Variants in ZZEF1 observed in about 807,000 individuals in gnomAD.
ZZEF1 encodes zinc finger ZZ-type and EF-hand domain-containing protein 1.
ZZEF1 carries 157 observed loss-of-function variants against 342.8 expected under a neutral mutation model. The observed-to-expected ratio is 0.46, with a 90% confidence interval of 0.40 to 0.52. ZZEF1 has a LOEUF of 0.52. Among genes scored for constraint, ZZEF1 ranks in the 20% least tolerant of loss-of-function variants. ZZEF1 has a pLI of 0.00. For synonymous variants in ZZEF1, 1,505 were observed against 1,429.1 expected (o/e 1.05, Z -1.20); for missense variants, 3,480 against 3,725.6 (o/e 0.93, Z 1.72).
At chr17:4,126,929 T>C (rs547326873) in intron 1 of ZZEF1, among the ~76,000 whole-genome samples, 2 of 151,884 alleles carry the variant, frequency 1.3e-5, no homozygotes, top group East Asian at 1.9e-4. Context: ...ATTATAACAC[T>C]GCACTCCAGC....
chr17:4,132,933 T>C (rs1015508229), intron 1 of ZZEF1, among the ~76,000 whole-genome samples: 1 of 151,814 alleles, frequency 6.6e-6, no homozygotes, highest in African/African-American at 2.4e-5. Flanking sequence ...GCCACTGCAG[T>C]CCAGCCTGGG....
chr17:4,112,895 A>C, intron 4 of ZZEF1, 87 bp from the exon 5 acceptor site: 2 of 1,172,266 alleles, frequency 1.7e-6, no homozygotes, highest in Non-Finnish European at 2.3e-6. Flanking sequence ...AAGAGCTTAC[A>C]TTTGATATAT....
intron 2 of ZZEF1, among the ~76,000 whole-genome samples, chr17:4,121,750 G>A (rs941863091): frequency 2.0e-5 from 3 of 151,204 alleles, no homozygotes; most frequent in Non-Finnish European, 4.4e-5. Flanking sequence ...TTGAGACAGG[G>A]TCTCGCTCTA....
At chr17:4,029,871 T>A (rs1366455776) in intron 42 of ZZEF1, among the ~76,000 whole-genome samples, 2 of 97,722 alleles carry the variant, frequency 2.0e-5, no homozygotes, top group African/African-American at 5.4e-5. Context: ...CAAAACTCCA[T>A]CTCAAAAAAA....
chr17:4,130,132 T>C (rs2058640416), intron 1 of ZZEF1, among the ~76,000 whole-genome samples: 2 of 152,122 alleles, frequency 1.3e-5, no homozygotes, highest in Non-Finnish European at 2.9e-5. Flanking sequence ...AAACTGCACA[T>C]GTACCCCAGA....
chr17:4,021,130 A>G lies in ZZEF1; in HGVS notation c.7403T>C (p.Leu2468Ser). The change falls in exon 45 of 55, where the codon TTG becomes TCG. Residue 2468 changes from leucine (L) to serine (S), a missense_variant and splice_region_variant. Leu to Ser is a moderately radical substitution (Grantham distance 145, BLOSUM62 -2). Around this residue, in one of 5 missense-constraint regions of ZZEF1, gnomAD observed 1,269 missense variants for 1,342.4 expected, o/e 0.95. Transcript: ENST00000381638. ...GLDEPTRICF[L>S]MAHDALNAPL... ...CCACAAGATGACTCAAGAACACACC[A>G]AGAAACATATTCTGGTGGGCTCATC... The G allele has an allele frequency of 1.2e-6, 2 of 1,609,726 alleles. No homozygotes were observed.
intron 46 of ZZEF1, 34 bp downstream of exon 46, chr17:4,019,635 G>T: frequency 6.3e-7 from 1 of 1,585,966 alleles, no homozygotes; most frequent in Non-Finnish European, 8.6e-7. Context: ...TTCTCTCCCT[G>T]GCCACACTTC....
chr17:4,042,349 A>T, intron 39 of ZZEF1, 80 bp downstream of exon 39: 2 of 1,436,890 alleles, frequency 1.4e-6, no homozygotes, highest in Non-Finnish European at 1.9e-6. Flanking sequence ...GATTGTCATC[A>T]TTTGTTTCAG....
rs775652406 is a variant in ZZEF1 at position 4,042,537 on chromosome 17, C to A, written c.6198G>T (p.Lys2066Asn). The A allele has an allele frequency of 1.2e-6, 2 of 1,613,614 alleles. No individual in the cohort carries two copies. Among genetic ancestry groups the A allele is most frequent in the East Asian group, 2.2e-5 (1 of 44,862 alleles). Residue 2066 changes from lysine (K) to asparagine (N), a missense_variant, in exon 39 of 55, where the codon AAG becomes AAT. By Grantham distance (94) the Lys-to-Asn change is moderately conservative. Coordinates refer to ENST00000381638, the MANE Select transcript of ZZEF1 (RefSeq NM_015113.4). ...DAEDSEVSSQ[K>N]PIEEKAVTPS... ...GAGTAACTGCTTTTTCCTCTATGGG[C>A]TTCTGAGATGACACTTCTGAATCTT...
rs1317992621 is a variant in ZZEF1, at chr17:4,075,283, G to A, written c.3381C>T (p.Asp1127=). 6.2e-7 allele frequency: 1 copy of A among 1,614,206 alleles called. No homozygotes were observed. Among genetic ancestry groups the A allele is most frequent in the Non-Finnish European group, 8.5e-7 (1 of 1,180,032 alleles). ...CTTACCTTTTTTCAGTTTCACACCT[G>A]TCATCGAATTCCACTTCAAAATAGG... is the stretch of plus-strand genomic sequence containing the variant. ...GATYFEVEFD[D]RCETEKRYDY... Residue 1127 remains aspartate, a synonymous_variant, in exon 22 of 55, where the codon GAC becomes GAT. Coordinates refer to ENST00000381638, the MANE Select transcript of ZZEF1 (RefSeq NM_015113.4).
At chr17:4,034,814 T>C (rs529944189) in intron 39 of ZZEF1, among the ~76,000 whole-genome samples, 3 of 152,168 alleles carry the variant, frequency 2.0e-5, no homozygotes, top group South Asian at 4.1e-4. Flanking sequence ...CTGGGCAACA[T>C]AGTGAGACCC....
In ZZEF1 at chr17:4,083,311, T is replaced by C. The variant is rs982026715; in HGVS notation, c.2647-807A>G. ...GACACATGCTTGGAAATTAATCATT[T>C]GCTCAGCTACCTGGTAAACACTTGC... On this transcript the variant is annotated intron_variant, in intron 16 of 54. Transcript: ENST00000381638. Among the ~76,000 whole-genome samples, 3 of 152,376 alleles carry C rather than the reference T, an allele frequency of 2.0e-5. No homozygotes were observed. The East Asian group carries it at 5.8e-4, about 29-fold the overall frequency.
chr17:4,132,067 A>G (rs2145588787), intron 1 of ZZEF1, among the ~76,000 whole-genome samples: 1 of 152,348 alleles, frequency 6.6e-6, no homozygotes, highest in South Asian at 2.1e-4. Context: ...AACCAGCTAG[A>G]GTTGAAAAGT....
rs115969362 is a variant in ZZEF1 at position 4,107,569 on chromosome 17, G to A, written c.1278-1760C>T. 6.4e-3 allele frequency among the ~76,000 whole-genome samples: 970 copies of A among 152,318 alleles called. 13 individuals carry two copies. Among genetic ancestry groups the A allele is most frequent in the African/African-American group, 0.022 (917 of 41,556 alleles). On this transcript the variant is annotated intron_variant, in intron 6 of 54. Coordinates refer to ENST00000381638, the MANE Select transcript of ZZEF1 (RefSeq NM_015113.4). ...CGAGGAAGATAAGAAGGGCATCTGTGCAAGGATGGCCACAGCAGCAGCTCT... is the reference window on the plus strand; with the variant it reads ...CGAGGAAGATAAGAAGGGCATCTGTACAAGGATGGCCACAGCAGCAGCTCT...
intron 37 of ZZEF1, among the ~76,000 whole-genome samples, chr17:4,048,211 C>T (rs965164828): frequency 6.6e-6 from 1 of 152,172 alleles, no homozygotes; most frequent in African/African-American, 2.4e-5. Context: ...GTGCCGCCTA[C>T]AGAAGACGTT....
chr17:4,087,170 G>A lies in ZZEF1; in HGVS notation c.2342+264C>T, dbSNP rs575267021. ...GCTGGGATTACAGGCGTGAGCCACC[G>A]CGCCCAGGCAGGAAGTTCATTTCTG... On this transcript the variant is annotated intron_variant, in intron 14 of 54. Coordinates refer to ENST00000381638, the MANE Select transcript of ZZEF1 (RefSeq NM_015113.4). Among the ~76,000 whole-genome samples, 12 of 152,262 alleles carry A rather than the reference G, an allele frequency of 7.9e-5. No homozygotes were observed. The East Asian group carries it at 1.4e-3, about 17-fold the overall frequency.
At chr17:4,110,456 G>A (rs2058277521) in intron 5 of ZZEF1, among the ~76,000 whole-genome samples, 1 of 152,110 alleles carries the variant, frequency 6.6e-6, no homozygotes, top group African/African-American at 2.4e-5. Context: ...TATTTGCTAG[G>A]GGTGAGACAC....
At chr17:4,126,820 A>G (rs915980766) in intron 1 of ZZEF1, among the ~76,000 whole-genome samples, 1 of 152,086 alleles carries the variant, frequency 6.6e-6, no homozygotes, top group African/African-American at 2.4e-5. Flanking sequence ...ACAAAACATT[A>G]GCTGGGCATC....
intron 42 of ZZEF1, among the ~76,000 whole-genome samples, chr17:4,031,892 C>T (rs1382693056): frequency 1.3e-5 from 2 of 151,946 alleles, no homozygotes; most frequent in African/African-American, 2.4e-5. Flanking sequence ...ATCTAGCCAA[C>T]CAAAAAACAC....
Sources: gnomAD v4.1 joint callset for allele counts (sites outside exome capture counted in the v4.1 genomes callset) on GRCh38, gnomAD v4.1.1 for gene constraint, gnomAD v4.1.1 regional missense constraint, MANE v1.5 for transcripts, NCBI Gene and HGNC (gene_info 2026-07-23, HGNC 2026-07-21) for gene names.